Variants in TEKTL1 observed in about 807,000 individuals in gnomAD.
The protein encoded by TEKTL1 is tektin-like protein 1.
the TEKTL1 span, among the ~76,000 whole-genome samples, chr19:15,015,441 C>G: frequency 4.6e-5 from 7 of 152,140 alleles, no homozygotes. Flanking sequence ...TAGTCCTCTC[C>G]AGCTCCCTGT....
the TEKTL1 span, chr19:15,021,806 G>T: frequency 6.2e-7 from 1 of 1,613,862 alleles, no homozygotes; most frequent in Non-Finnish European, 8.5e-7. Flanking sequence ...ACCCCACCAG[G>T]GTCCTCTGTC....
chr19:15,012,098 A>G, the TEKTL1 span, among the ~76,000 whole-genome samples: 1 of 150,664 alleles, frequency 6.6e-6, no homozygotes, highest in Non-Finnish European at 1.5e-5. Flanking sequence ...TCTACAAAAA[A>G]AAAAAAATTT....
the TEKTL1 span, among the ~76,000 whole-genome samples, chr19:15,013,106 A>G: frequency 7.6e-4 from 115 of 152,264 alleles, no homozygotes; most frequent in African/African-American, 2.7e-3. Context: ...TAAGACTTCT[A>G]GTACCAGTCC....
the TEKTL1 span, chr19:15,010,854 G>T: frequency 1.3e-6 from 2 of 1,548,518 alleles, no homozygotes; most frequent in Non-Finnish European, 1.7e-6. Context: ...CCGGCTGAGC[G>T]CAGCCAGGAC....
At chr19:15,021,101 G>A in the TEKTL1 span, among the ~76,000 whole-genome samples, 1 of 151,750 alleles carries the variant, frequency 6.6e-6, no homozygotes, top group African/African-American at 2.4e-5. Context: ...GGCTGGTCTC[G>A]AACTCCTGAC....
At chr19:15,015,186 C>G in the TEKTL1 span, among the ~76,000 whole-genome samples, 1 of 152,062 alleles carries the variant, frequency 6.6e-6, no homozygotes, top group Non-Finnish European at 1.5e-5. Context: ...GACCCTGTCT[C>G]TGTGAGAGTG....
chr19:15,021,284 T>C, the TEKTL1 span: 4 of 1,579,748 alleles, frequency 2.5e-6, no homozygotes, highest in South Asian at 4.6e-5. Flanking sequence ...CACCTGAGAA[T>C]AGAGAGAGGG....
the TEKTL1 span, among the ~76,000 whole-genome samples, chr19:15,018,698 G>T: frequency 3.3e-5 from 2 of 61,464 alleles, no homozygotes; most frequent in East Asian, 1.4e-3. Flanking sequence ...GGGAGACTGA[G>T]TGAGACCCTA....
the TEKTL1 span, chr19:15,011,028 TCCAGC>T: frequency 6.3e-7 from 1 of 1,580,570 alleles, no homozygotes; most frequent in Non-Finnish European, 8.6e-7. Context: ...GCCGCCTACA[TCCAGC>T]CCTGGCGCTT....
At chr19:15,013,549 C>T in the TEKTL1 span, 2 of 674,166 alleles carry the variant, frequency 3.0e-6, no homozygotes, top group Non-Finnish European at 5.0e-6. Flanking sequence ...GATGAGAGTA[C>T]CCTCAACTTC....
the TEKTL1 span, among the ~76,000 whole-genome samples, chr19:15,019,795 C>G: frequency 1.9e-4 from 29 of 151,792 alleles, no homozygotes; most frequent in East Asian, 1.5e-3. Flanking sequence ...TGAGACCAGC[C>G]TAGGCAACAT....
At chr19:15,021,793 C>G in the TEKTL1 span, 1 of 1,613,178 alleles carries the variant, frequency 6.2e-7, no homozygotes, top group African/African-American at 1.3e-5. Context: ...GCTTGCACAC[C>G]GCACCCCACC....
At chr19:15,022,755 C>A in the TEKTL1 span, 12 of 979,356 alleles carry the variant, frequency 1.2e-5, no homozygotes, top group Non-Finnish European at 1.4e-5. Context: ...CTGGCCCATT[C>A]AGATGTGTTC....
At chr19:15,016,322 TG>T in the TEKTL1 span, among the ~76,000 whole-genome samples, 2 of 151,088 alleles carry the variant, frequency 1.3e-5, no homozygotes, top group African/African-American at 4.9e-5. Context: ...CCCGAGTAGC[TG>T]GGATTACAGG....
the TEKTL1 span, chr19:15,010,969 G>A: frequency 2.5e-6 from 4 of 1,593,248 alleles, no homozygotes; most frequent in Admixed American, 6.9e-5. Context: ...CCATGTGGCA[G>A]CCCAAGGACA....
chr19:15,021,227 C>A, the TEKTL1 span: 1 of 1,284,506 alleles, frequency 7.8e-7, no homozygotes, highest in Non-Finnish European at 1.1e-6. Context: ...GCCCCCTGGA[C>A]TTTCACCCAG....
chr19:15,015,782 G>C, the TEKTL1 span, among the ~76,000 whole-genome samples: 5 of 152,256 alleles, frequency 3.3e-5, no homozygotes, highest in African/African-American at 1.2e-4. Flanking sequence ...ATGGTTGTAC[G>C]AATACACTTA....
chr19:15,018,731 T>TATATATATATATATATATATAA, the TEKTL1 span, among the ~76,000 whole-genome samples: 2 of 126,952 alleles, frequency 1.6e-5, no homozygotes, highest in South Asian at 2.4e-4. Flanking sequence ...TATATATATA[T>TATATATATATATATATATATAA]AACTTCCCTG....
chr19:15,020,633 C>G, the TEKTL1 span: 1 of 1,613,778 alleles, frequency 6.2e-7, no homozygotes, highest in Non-Finnish European at 8.5e-7. Flanking sequence ...ACGCCTCCTC[C>G]AGACCCTGTG....
Sources: allele counts gnomAD v4.1 joint callset (sites outside exome capture counted in the v4.1 genomes callset), GRCh38; gene constraint gnomAD v4.1.1; transcripts MANE v1.5; gene names NCBI Gene and HGNC (gene_info 2026-07-23, HGNC 2026-07-21).